The following DPRX variants were observed in gnomAD, a reference collection of about 807,000 sequenced individuals.
The protein encoded by DPRX is divergent-paired related homeobox.
DPRX carries 11 observed loss-of-function variants against 8.4 expected under a neutral mutation model. That is an observed-to-expected ratio of 1.31 (90% CI 0.82 to 2.17). The LOEUF (loss-of-function observed/expected upper bound fraction) is 2.17. DPRX is among the 30% of genes most tolerant of loss of function. The pLI is 0.00. For synonymous variants in DPRX, 72 were observed against 87.0 expected, an observed-to-expected ratio of 0.83 and a Z score of 0.96; for missense variants, 211 against 236.7, an observed-to-expected ratio of 0.89 and a Z score of 0.71.
the DPRX span, among the ~76,000 whole-genome samples, chr19:53,611,939 C>T: frequency 2.0e-5 from 3 of 151,966 alleles, no homozygotes; most frequent in East Asian, 5.8e-4. Flanking sequence ...CAAAAATTAG[C>T]CGGGCATGGT....
At chr19:53,602,267 G>GTGTGT in the DPRX span, 1 of 276,092 alleles carries the variant, frequency 3.6e-6, no homozygotes, top group East Asian at 1.1e-4. Context: ...TATGGGTATG[G>GTGTGT]GTGTGTGTGT....
chr19:53,624,468 T>C, the DPRX span, among the ~76,000 whole-genome samples: 1 of 151,540 alleles, frequency 6.6e-6, no homozygotes, highest in South Asian at 2.1e-4. Context: ...AGTGGCTTGA[T>C]CTTGGCTCAC....
chr19:53,619,096 G>T, the DPRX span, among the ~76,000 whole-genome samples: 499 of 152,088 alleles, frequency 3.3e-3, 1 homozygote, highest in Admixed American at 8.6e-3. Flanking sequence ...TCTGTTGATC[G>T]GAATGACACT....
At chr19:53,628,595 GT>G (rs529477948), upstream of DPRX, among the ~76,000 whole-genome samples, 45 of 145,706 alleles carry the variant, frequency 3.1e-4, no homozygotes, top group South Asian at 4.2e-3. Flanking sequence ...TTTTCTTTCT[GT>G]TTTTTTTTTT....
chr19:53,602,241 T>TCC, the DPRX span: 1 of 393,948 alleles, frequency 2.5e-6, no homozygotes, highest in African/African-American at 2.3e-5. Context: ...CCACATCCTA[T>TCC]CCCCCAAACC....
chr19:53,616,206 T>TAC, the DPRX span, among the ~76,000 whole-genome samples: 3 of 151,596 alleles, frequency 2.0e-5, no homozygotes, highest in African/African-American at 7.3e-5. Context: ...GACCCGAGAT[T>TAC]GCGCCATTGC....
the DPRX span, among the ~76,000 whole-genome samples, chr19:53,624,246 C>A: frequency 9.3e-4 from 141 of 151,278 alleles, no homozygotes; most frequent in African/African-American, 3.3e-3. Context: ...CGCCACCACG[C>A]CCAGCTAATT....
At chr19:53,632,178 A>G in intron 1 of DPRX, 44 bp downstream of exon 1, 1 of 1,613,816 alleles carries the variant, frequency 6.2e-7, no homozygotes, top group South Asian at 1.1e-5. Context: ...CACGTGAAGA[A>G]GTGGAAAGCA....
chr19:53,620,201 C>G, the DPRX span, among the ~76,000 whole-genome samples: 1 of 152,040 alleles, frequency 6.6e-6, no homozygotes, highest in African/African-American at 2.4e-5. Context: ...TCCCCAGTAG[C>G]TGGGACTACA....
At chr19:53,633,817 T>G (rs939643442) in intron 1 of DPRX, among the ~76,000 whole-genome samples, 1 of 151,308 alleles carries the variant, frequency 6.6e-6, no homozygotes, top group Non-Finnish European at 1.5e-5. Context: ...CAAATTTTTG[T>G]GTTTTTAATA....
upstream of DPRX, among the ~76,000 whole-genome samples, chr19:53,631,340 CT>C (rs2091091875): frequency 6.6e-6 from 1 of 151,792 alleles, no homozygotes; most frequent in Non-Finnish European, 1.5e-5. Context: ...AGTGAGTTAA[CT>C]AAATCAGGAT....
chr19:53,617,999 G>A, the DPRX span, among the ~76,000 whole-genome samples: 52 of 151,862 alleles, frequency 3.4e-4, no homozygotes, highest in African/African-American at 7.5e-4. Flanking sequence ...TTAGCCGGGC[G>A]TGGTGGTGGC....
At chr19:53,632,244 C>T (rs574601291) in intron 1 of DPRX, 110 bp downstream of exon 1, 32 of 1,424,718 alleles carry the variant, frequency 2.2e-5, no homozygotes, top group African/African-American at 7.1e-5. Context: ...GCTTCGTCCA[C>T]GTGGGTGGCA....
At chr19:53,624,548 G>GA in the DPRX span, among the ~76,000 whole-genome samples, 1 of 151,950 alleles carries the variant, frequency 6.6e-6, no homozygotes, top group African/African-American at 2.4e-5. Flanking sequence ...GAGTAGTTGG[G>GA]ATTACAGGCG....
Position 53,634,749 on chromosome 19 carries a change from T to G in DPRX, c.183+64T>G, listed in dbSNP as rs979690853. 5.2e-6 allele frequency: 8 copies of G among 1,553,006 alleles called. No individual in the cohort carries two copies. The African/African-American group carries it at 1.1e-4, about 21-fold the overall frequency. Reference sequence around the variant, plus strand: ...TGATCTAATCTAAATTCAGAGTCCCTCTAGGATAATTCCTGAGGTCTCATT... The same window carrying G: ...TGATCTAATCTAAATTCAGAGTCCCGCTAGGATAATTCCTGAGGTCTCATT... On this transcript the variant is annotated intron_variant, in intron 2 of 2. Transcript: ENST00000376650.
chr19:53,614,838 G>T, the DPRX span, among the ~76,000 whole-genome samples: 24 of 151,952 alleles, frequency 1.6e-4, no homozygotes, highest in Non-Finnish European at 2.5e-4. Context: ...GATCATTTGT[G>T]GCCAGGCATG....
chr19:53,622,649 T>G, the DPRX span, among the ~76,000 whole-genome samples: 1 of 152,132 alleles, frequency 6.6e-6, no homozygotes, highest in African/African-American at 2.4e-5. Flanking sequence ...TGATTATCCA[T>G]GCCCGCCAAC....
At chr19:53,603,668 A>G in the DPRX span, 2 of 178,672 alleles carry the variant, frequency 1.1e-5, no homozygotes, top group African/African-American at 4.7e-5. Context: ...TATCCACTAC[A>G]GTCCAAAAAT....
At chr19:53,635,210 T>G (rs2091107741) in intron 2 of DPRX, among the ~76,000 whole-genome samples, 1 of 152,132 alleles carries the variant, frequency 6.6e-6, no homozygotes, top group Non-Finnish European at 1.5e-5. Flanking sequence ...TTTCGCTATA[T>G]TGCCCAGGAG....
Sources: allele counts gnomAD v4.1 joint callset (sites outside exome capture counted in the v4.1 genomes callset), GRCh38; gene constraint gnomAD v4.1.1; transcripts MANE v1.5; gene names NCBI Gene and HGNC (gene_info 2026-07-23, HGNC 2026-07-21).